CLDN10: variants seen among roughly 807,000 people sequenced by gnomAD.
CLDN10 encodes claudin-10.
In CLDN10, 15 loss-of-function variants were observed where a neutral mutation model predicts 22.9. The ratio of observed to expected loss-of-function variants is 0.65; its 90% CI spans 0.44 to 1.01. The LOEUF is 1.01. Among genes scored for constraint, CLDN10 ranks in the 50% least tolerant of loss-of-function variants. The probability of loss-of-function intolerance (pLI) is 0.00; values close to 1 mark genes in which losing one functional copy is unlikely to be tolerated. For synonymous variants in CLDN10, 114 were observed against 111.4 expected, an observed-to-expected ratio of 1.02 and a Z score of -0.15; for missense variants, 247 against 287.8, an observed-to-expected ratio of 0.86 and a Z score of 1.03.
At chr13:95,481,951 G>A (rs568361533) in intron 1 of CLDN10, among the ~76,000 whole-genome samples, 16 of 152,230 alleles carry the variant, frequency 1.1e-4, no homozygotes, top group East Asian at 1.9e-4. Context: ...CCCAGGAGGC[G>A]GAGGTTGCAA....
upstream of CLDN10, among the ~76,000 whole-genome samples, chr13:95,551,797 G>C (rs934580760): frequency 5.9e-5 from 9 of 152,092 alleles, no homozygotes; most frequent in African/African-American, 2.2e-4. Context: ...AGTACACCTT[G>C]ATCTTTATGT....
At chr13:95,521,554 T>C (rs2043224597) in intron 1 of CLDN10, among the ~76,000 whole-genome samples, 1 of 152,170 alleles carries the variant, frequency 6.6e-6, no homozygotes, top group East Asian at 1.9e-4. Context: ...TATGTTATCC[T>C]TTTTATATAT....
rs193280505 is a variant in CLDN10, at chr13:95,507,874, C to T, written c.215-52258C>T. ...CCAACCTCAAGTGATCCACCTGCCT[C>T]GGCCTCCCAAAGTGCTGGGATTACA... On this transcript the variant is annotated intron_variant, in intron 1 of 4. Coordinates refer to the CLDN10 transcript ENST00000376873. 1.7e-3 allele frequency among the ~76,000 whole-genome samples: 261 copies of T among 152,162 alleles called. 1 individual carries two copies. The highest frequency in any genetic ancestry group is 5.2e-3 in the African/African-American group (215 of 41,534).
intron 3 of CLDN10, among the ~76,000 whole-genome samples, chr13:95,566,366 T>A (rs993626917): frequency 1.3e-5 from 2 of 152,268 alleles, no homozygotes; most frequent in Admixed American, 6.5e-5. Flanking sequence ...TGCATTTCTC[T>A]GATGAGCAGT....
intron 1 of CLDN10, among the ~76,000 whole-genome samples, chr13:95,467,774 A>C (rs2042594630): frequency 6.6e-6 from 1 of 152,236 alleles, no homozygotes; most frequent in Admixed American, 6.5e-5. Context: ...AAGAGAGTGT[A>C]ATCTGAAAAA....
At chr13:95,565,130 G>A (rs1375214695) in intron 3 of CLDN10, among the ~76,000 whole-genome samples, 6 of 146,326 alleles carry the variant, frequency 4.1e-5, no homozygotes, top group East Asian at 3.9e-4. Context: ...TAACAAATCT[G>A]AAAAAAAAAA....
At chr13:95,482,661 A>G (rs973095690) in intron 1 of CLDN10, among the ~76,000 whole-genome samples, 3 of 152,184 alleles carry the variant, frequency 2.0e-5, no homozygotes, top group African/African-American at 4.8e-5. Context: ...CTCATGATGT[A>G]CTTAATCCTG....
intron 1 of CLDN10, among the ~76,000 whole-genome samples, chr13:95,444,677 C>G (rs1301447626): frequency 1.3e-5 from 2 of 152,218 alleles, no homozygotes; most frequent in Non-Finnish European, 2.9e-5. Context: ...AGGGACTCAT[C>G]CAACCCAAAA....
chr13:95,561,472 C>A (rs889927811), intron 3 of CLDN10, among the ~76,000 whole-genome samples: 1 of 152,130 alleles, frequency 6.6e-6, no homozygotes, highest in Non-Finnish European at 1.5e-5. Context: ...CCACCAGGAG[C>A]CAAGCAGAGC....
intron 1 of CLDN10, among the ~76,000 whole-genome samples, chr13:95,517,697 AGGCTGAGGCG>A (rs1387579010): frequency 1.3e-5 from 2 of 152,160 alleles, no homozygotes; most frequent in African/African-American, 4.8e-5. Flanking sequence ...GCACTTTGGG[AGGCTGAGGCG>A]GGTGGATCAC....
intron 1 of CLDN10, among the ~76,000 whole-genome samples, chr13:95,500,346 C>G (rs1424152253): frequency 6.6e-6 from 1 of 152,124 alleles, no homozygotes; most frequent in Non-Finnish European, 1.5e-5. Flanking sequence ...ACCTATTTAG[C>G]CTGAGGCCTC....
chr13:95,473,490 G>A (rs900628789), intron 1 of CLDN10, among the ~76,000 whole-genome samples: 11 of 152,378 alleles, frequency 7.2e-5, no homozygotes, highest in African/African-American at 2.6e-4. Context: ...GGGGGCCAGG[G>A]AACAGCTCCG....
upstream of CLDN10, among the ~76,000 whole-genome samples, chr13:95,549,725 G>A (rs567882738): frequency 6.6e-6 from 1 of 152,244 alleles, no homozygotes; most frequent in South Asian, 2.1e-4. Context: ...AAGAGTTTAG[G>A]GTTGTCCAAC....
At chr13:95,492,613 G>C (rs191595146) in intron 1 of CLDN10, among the ~76,000 whole-genome samples, 44 of 152,236 alleles carry the variant, frequency 2.9e-4, no homozygotes, top group African/African-American at 1.1e-3. Flanking sequence ...GAAGAAAAGG[G>C]CTTCAGTTCT....
In CLDN10 at chr13:95,577,950, A is replaced by G; in HGVS notation, c.623A>G (p.His208Arg). The G allele has an allele frequency of 6.2e-7, 1 of 1,613,966 alleles. No individual in the cohort carries two copies. The highest frequency in any genetic ancestry group is 1.1e-5 in the South Asian group (1 of 91,070). ...TSVMSSRTKY[H>R]GGEDFKTTNP... is the part of the protein sequence containing the mutation. ...GTCATGTCTTCTCGGACAAAGTATC[A>G]TGGTGGAGAAGATTTTAAAACAACA... The change falls in exon 5 of 5, where the codon CAT becomes CGT. Residue 208 changes from histidine to arginine, a missense_variant. By Grantham distance (29) the His-to-Arg change is conservative. Coordinates refer to ENST00000299339, the MANE Select transcript of CLDN10 (RefSeq NM_006984.5).
At chr13:95,512,147 T>G (rs1408592996) in intron 1 of CLDN10, among the ~76,000 whole-genome samples, 46 of 128,016 alleles carry the variant, frequency 3.6e-4, no homozygotes, top group Non-Finnish European at 5.4e-4. Flanking sequence ...TGTTTGTTTG[T>G]GTTCTGTTTG....
chr13:95,459,662 A>C (rs1463715043), intron 1 of CLDN10, among the ~76,000 whole-genome samples: 1 of 152,120 alleles, frequency 6.6e-6, no homozygotes, highest in African/African-American at 2.4e-5. Context: ...TTTTCCTCCT[A>C]GGCCTCCAGG....
At chr13:95,537,224 T>C (rs2138617055) in intron 1 of CLDN10, among the ~76,000 whole-genome samples, 1 of 152,364 alleles carries the variant, frequency 6.6e-6, no homozygotes, top group Non-Finnish European at 1.5e-5. Flanking sequence ...AAAGAATGCC[T>C]AATGAAGTTA....
intron 1 of CLDN10, among the ~76,000 whole-genome samples, chr13:95,559,359 A>T (rs891698224): frequency 6.6e-6 from 1 of 152,222 alleles, no homozygotes; most frequent in African/African-American, 2.4e-5. Context: ...ATAGCACAGG[A>T]AGGATGAACA....
Sources: allele counts gnomAD v4.1 joint callset (sites outside exome capture counted in the v4.1 genomes callset), GRCh38; gene constraint gnomAD v4.1.1; transcripts MANE v1.5; gene names NCBI Gene and HGNC (gene_info 2026-07-23, HGNC 2026-07-21).